Variants in STK33 observed in about 807,000 individuals in gnomAD.
STK33 encodes the protein serine/threonine-protein kinase 33.
A neutral mutation model predicts 58.0 loss-of-function variants in STK33; 52 were observed. That is an observed-to-expected ratio of 0.90 (90% CI 0.72 to 1.13). STK33 has a LOEUF of 1.13. Ranked by LOEUF, STK33 falls within the 50% of genes most tolerant of loss-of-function variation. The pLI is 0.00. For missense variants in STK33, 630 were observed against 604.2 expected (o/e 1.04, Z -0.45); for synonymous variants, 215 against 200.1 (o/e 1.07, Z -0.63).
chr11:8,585,293 C>T (rs939545836), intron 1 of STK33, among the ~76,000 whole-genome samples: 4 of 144,676 alleles, frequency 2.8e-5, no homozygotes, highest in South Asian at 2.2e-4. Flanking sequence ...GGCGCAATCT[C>T]GGCTCACTAC....
At chr11:8,349,426 C>T in the STK33 span, among the ~76,000 whole-genome samples, 1 of 152,334 alleles carries the variant, frequency 6.6e-6, no homozygotes, top group East Asian at 1.9e-4. Flanking sequence ...GGCTGGCTGC[C>T]TCTCAGTCAT....
At chr11:8,397,692 C>A (rs1849603633) in intron 15 of STK33, among the ~76,000 whole-genome samples, 2 of 151,722 alleles carry the variant, frequency 1.3e-5, no homozygotes, top group Non-Finnish European at 2.9e-5. Flanking sequence ...GAACCCATGG[C>A]AAAGAAGTTA....
At chr11:8,397,932 A>T (rs1849659149) in intron 15 of STK33, among the ~76,000 whole-genome samples, 1 of 152,204 alleles carries the variant, frequency 6.6e-6, no homozygotes, top group Admixed American at 6.5e-5. Context: ...AAAGAAACGA[A>T]CAAAGCCTCC....
intron 1 of STK33, among the ~76,000 whole-genome samples, chr11:8,560,612 T>C (rs547676351): frequency 1.5e-4 from 23 of 152,292 alleles, no homozygotes; most frequent in African/African-American, 4.8e-4. Flanking sequence ...AGGTTGAGAG[T>C]TATGCTTAGA....
chr11:8,572,044 T>A (rs149313631), intron 1 of STK33, among the ~76,000 whole-genome samples: 40,514 of 62,030 alleles, frequency 0.65, 11,016 homozygotes, highest in South Asian at 0.73. Flanking sequence ...AATAAATTAA[T>A]TAATTAATTA....
intron 1 of STK33, among the ~76,000 whole-genome samples, chr11:8,549,023 A>C (rs1956130932): frequency 6.6e-6 from 1 of 152,210 alleles, no homozygotes; most frequent in African/African-American, 2.4e-5. Flanking sequence ...CCTTTTTCAC[A>C]GATGACATGA....
chr11:8,365,933 ATATCTGTCTGTC>A, the STK33 span, among the ~76,000 whole-genome samples: 1 of 152,040 alleles, frequency 6.6e-6, no homozygotes, highest in Non-Finnish European at 1.5e-5. Flanking sequence ...GCCTGTCTGT[ATATCTGTCTGTC>A]TATCTGTCTG....
intron 1 of STK33, among the ~76,000 whole-genome samples, chr11:8,551,693 G>A (rs1246432032): frequency 6.6e-6 from 1 of 152,116 alleles, no homozygotes; most frequent in Non-Finnish European, 1.5e-5. Context: ...CGCAGAACTT[G>A]TAGGGAGCAT....
At chr11:8,372,074 G>A in the STK33 span, among the ~76,000 whole-genome samples, 1 of 151,864 alleles carries the variant, frequency 6.6e-6, no homozygotes, top group Non-Finnish European at 1.5e-5. Context: ...TCACTTTGTT[G>A]CCCAGGCTGA....
At chr11:8,542,662 T>G (rs1384183672) in intron 1 of STK33, among the ~76,000 whole-genome samples, 1 of 152,160 alleles carries the variant, frequency 6.6e-6, no homozygotes, top group Non-Finnish European at 1.5e-5. Context: ...CAAATATGCT[T>G]GGATGATGCA....
the STK33 span, among the ~76,000 whole-genome samples, chr11:8,336,407 G>T: frequency 6.6e-6 from 1 of 152,238 alleles, no homozygotes; most frequent in Non-Finnish European, 1.5e-5. Flanking sequence ...TGAGGACAGG[G>T]TATTTGCCAT....
intron 1 of STK33, among the ~76,000 whole-genome samples, chr11:8,515,545 T>C (rs986858219): frequency 1.3e-5 from 2 of 152,104 alleles, no homozygotes; most frequent in Non-Finnish European, 2.9e-5. Context: ...GAAAACTACA[T>C]GACAATATCT....
At chr11:8,456,841 G>T (rs1227384905) in intron 9 of STK33, among the ~76,000 whole-genome samples, 1 of 152,126 alleles carries the variant, frequency 6.6e-6, no homozygotes, top group African/African-American at 2.4e-5. Flanking sequence ...ATGGACTTAG[G>T]GTGACAATGA....
At chr11:8,526,822 AC>A (rs1185311284) in intron 1 of STK33, among the ~76,000 whole-genome samples, 1 of 109,682 alleles carries the variant, frequency 9.1e-6, no homozygotes, top group Admixed American at 9.5e-5. Flanking sequence ...TACAAATGAT[AC>A]TGAGCAAAAA....
intron 15 of STK33, among the ~76,000 whole-genome samples, chr11:8,396,209 T>C (rs1372054217): frequency 6.6e-6 from 1 of 152,184 alleles, no homozygotes; most frequent in African/African-American, 2.4e-5. Context: ...GTTCAAGTGA[T>C]TCTCCTACCT....
At chr11:8,581,344 C>G (rs1226897099) in intron 1 of STK33, among the ~76,000 whole-genome samples, 2 of 151,946 alleles carry the variant, frequency 1.3e-5, no homozygotes, top group Non-Finnish European at 2.9e-5. Context: ...TAGTGAGACC[C>G]CCATATATAT....
At chr11:8,545,337 A>G (rs1215156621) in intron 1 of STK33, among the ~76,000 whole-genome samples, 2 of 152,186 alleles carry the variant, frequency 1.3e-5, no homozygotes, top group African/African-American at 4.8e-5. Context: ...CCTTTAAAAG[A>G]GAGGCAAAAA....
At position 8,490,957 on chromosome 11, in the gene STK33, A is replaced by T. The variant is rs373552125; in HGVS notation, c.-465-10343T>A. 1.9e-3 allele frequency among the ~76,000 whole-genome samples: 295 copies of T among 152,360 alleles called. 2 individuals are homozygous for T. Among genetic ancestry groups the T allele is most frequent in the African/African-American group, 6.7e-3 (280 of 41,582 alleles). On this transcript the variant is annotated intron_variant, in intron 1 of 15. Coordinates refer to ENST00000687296, the MANE Select transcript of STK33 (RefSeq NM_001352389.2). ...GTAGGTCACCAACATCAAAGACCAA[A>T]GGTAGATAAAAACCACAAAGATGGG...
intron 14 of STK33, among the ~76,000 whole-genome samples, chr11:8,430,307 C>G (rs757771278): frequency 2.6e-5 from 4 of 152,122 alleles, no homozygotes; most frequent in Non-Finnish European, 5.9e-5. Context: ...CTTACCCCGA[C>G]TCCTACATGA....
Sources: gnomAD v4.1 joint callset for allele counts (sites outside exome capture counted in the v4.1 genomes callset) on GRCh38, gnomAD v4.1.1 for gene constraint, MANE v1.5 for transcripts, NCBI Gene and HGNC (gene_info 2026-07-23, HGNC 2026-07-21) for gene names.